CSMD1: variants seen among roughly 807,000 people sequenced by gnomAD.
CSMD1 encodes CUB and sushi domain-containing protein 1.
A neutral mutation model predicts 417.5 loss-of-function variants in CSMD1; 213 were observed. The ratio of observed to expected loss-of-function variants is 0.51; its 90% confidence interval spans 0.46 to 0.57. The LOEUF (loss-of-function observed/expected upper bound fraction) is 0.57, where lower values mean the gene tolerates loss of function less well. Among genes scored for constraint, CSMD1 ranks in the 20% least tolerant of loss-of-function variants. CSMD1 has a pLI of 0.00. For synonymous variants in CSMD1, 2,862 were observed against 1,736.8 expected (o/e 1.65, Z -16.11); for missense variants, 6,923 against 4,529.7 (o/e 1.53, Z -15.17).
At chr8:4,754,995 G>C (rs980325896) in intron 1 of CSMD1, among the ~76,000 whole-genome samples, 1 of 151,682 alleles carries the variant, frequency 6.6e-6, no homozygotes, top group Non-Finnish European at 1.5e-5. Flanking sequence ...AAAATCAGCC[G>C]GGCATGGTGG....
intron 5 of CSMD1, among the ~76,000 whole-genome samples, chr8:3,764,059 G>T (rs577740452): frequency 6.6e-6 from 1 of 152,124 alleles, no homozygotes; most frequent in Non-Finnish European, 1.5e-5. Flanking sequence ...ATTTCTGGAG[G>T]CCACAGGCTC....
intron 5 of CSMD1, among the ~76,000 whole-genome samples, chr8:3,859,018 T>G (rs1804508263): frequency 6.6e-6 from 1 of 152,190 alleles, no homozygotes; most frequent in African/African-American, 2.4e-5. Context: ...CTATGAAGTG[T>G]TCCCTAAAAG....
In CSMD1 at chr8:4,764,895, C is replaced by CAAAACAA; in HGVS notation, c.86-127338_86-127337insTTGTTTT. ...CTCAAAAAAAAAAAAAAAAAAAAAA[C>CAAAACAA]AACAACAACAAAAAAAAACCTTTGC... On this transcript the variant is annotated intron_variant, in intron 1 of 69. Coordinates refer to ENST00000635120, the MANE Select transcript of CSMD1 (RefSeq NM_033225.6). Among the ~76,000 whole-genome samples the CAAAACAA allele has an allele frequency of 9.8e-5, 3 of 30,572 alleles. 1 individual carries two copies. In the Middle Eastern group the frequency reaches 0.065, roughly 665 times the overall value. 20.1% of individuals were successfully genotyped at this position (30,572 alleles called of 152,430 possible).
At chr8:4,842,872 T>A (rs1026026825) in intron 1 of CSMD1, among the ~76,000 whole-genome samples, 3 of 152,174 alleles carry the variant, frequency 2.0e-5, no homozygotes, top group African/African-American at 7.2e-5. Flanking sequence ...TAAAGGCTTA[T>A]CAATAGAACA....
chr8:4,104,217 G>A (rs753770786), intron 3 of CSMD1, among the ~76,000 whole-genome samples: 6 of 152,332 alleles, frequency 3.9e-5, no homozygotes, highest in African/African-American at 7.2e-5. Flanking sequence ...GTGAATGTAC[G>A]TGAGTGCGGA....
intron 5 of CSMD1, among the ~76,000 whole-genome samples, chr8:3,982,016 A>T (rs1813908926): frequency 6.6e-6 from 1 of 151,962 alleles, no homozygotes. Context: ...CTAAAAATAC[A>T]AAAAATTAGC....
chr8:4,149,221 C>G (rs1243026120), intron 3 of CSMD1, among the ~76,000 whole-genome samples: 1 of 152,130 alleles, frequency 6.6e-6, no homozygotes, highest in Non-Finnish European at 1.5e-5. Flanking sequence ...ACCTCGGCCT[C>G]CCAAACTGCT....
At chr8:2,980,457 C>T (rs953284509) in intron 54 of CSMD1, among the ~76,000 whole-genome samples, 24 of 151,788 alleles carry the variant, frequency 1.6e-4, no homozygotes, top group African/African-American at 3.4e-4. Flanking sequence ...TCTTCCATCC[C>T]TCTCTTCCTT....
intron 11 of CSMD1, among the ~76,000 whole-genome samples, chr8:3,471,425 A>C (rs142107552): frequency 1.3e-5 from 2 of 152,300 alleles, no homozygotes; most frequent in Non-Finnish European, 2.9e-5. Flanking sequence ...AACAAATTAT[A>C]TTCCATAAGT....
rs560717985 is a variant in CSMD1 at position 4,319,995 on chromosome 8, G to C, written c.415+99958C>G. ...AGAGTGGAAAAATATCATAAAATAG[G>C]AGTATTGGGTTAAGTACTCAAAGTA... On this transcript the variant is annotated intron_variant, in intron 3 of 69. Transcript: ENST00000635120. Among the ~76,000 whole-genome samples the C allele has an allele frequency of 1.4e-4, 21 of 152,200 alleles. No individual in the cohort carries two copies. The South Asian group carries it at 4.4e-3, about 32-fold the overall frequency.
intron 1 of CSMD1, among the ~76,000 whole-genome samples, chr8:4,910,143 T>C (rs1024249315): frequency 6.6e-6 from 1 of 152,216 alleles, no homozygotes; most frequent in East Asian, 1.9e-4. Context: ...AATGTTATAA[T>C]GTTGCAGAAC....
intron 3 of CSMD1, among the ~76,000 whole-genome samples, chr8:4,411,960 G>A (rs1470819849): frequency 6.6e-6 from 1 of 150,786 alleles, no homozygotes; most frequent in East Asian, 2.0e-4. Flanking sequence ...TACGATTTTT[G>A]ATGAAAAGTA....
intron 6 of CSMD1, among the ~76,000 whole-genome samples, chr8:3,751,965 T>G (rs1008397138): frequency 2.0e-5 from 3 of 152,190 alleles, no homozygotes; most frequent in African/African-American, 7.2e-5. Flanking sequence ...CTTATGGTTA[T>G]GTTAAATCTG....
In CSMD1 at chr8:4,551,548, C is replaced by A. The variant is rs538512512; in HGVS notation, c.302+85794G>T. 1.9e-3 allele frequency among the ~76,000 whole-genome samples: 295 copies of A among 152,282 alleles called. 3 individuals carry two copies. The highest frequency in any genetic ancestry group is 6.6e-3 in the African/African-American group (274 of 41,554). On this transcript the variant is annotated intron_variant, in intron 2 of 69. Transcript: ENST00000635120. ...CAACCATCCCTATGGTCTTCCCTGGCTGACTCTCTGCAGGTTCCAGGCACC... is the reference window on the plus strand; with the variant it reads ...CAACCATCCCTATGGTCTTCCCTGGATGACTCTCTGCAGGTTCCAGGCACC...
intron 51 of CSMD1, among the ~76,000 whole-genome samples, chr8:3,022,170 T>C (rs1290589322): frequency 6.9e-6 from 1 of 145,450 alleles, no homozygotes; most frequent in Non-Finnish European, 1.5e-5. Flanking sequence ...GCATCCGGAA[T>C]GCACCGGCAA....
intron 3 of CSMD1, among the ~76,000 whole-genome samples, chr8:4,109,521 C>T (rs1454879404): frequency 1.3e-5 from 2 of 152,070 alleles, no homozygotes; most frequent in African/African-American, 4.8e-5. Flanking sequence ...GACTTATTGT[C>T]AGTAGTCACT....
At chr8:3,284,042 C>T (rs1269160296) in intron 26 of CSMD1, 102 bp downstream of exon 26, 4 of 956,092 alleles carry the variant, frequency 4.2e-6, no homozygotes, top group Non-Finnish European at 6.4e-6. Context: ...CAATAAATTG[C>T]ATCTGTGTAA....
intron 6 of CSMD1, among the ~76,000 whole-genome samples, chr8:3,740,786 G>C (rs184985219): frequency 1.3e-5 from 2 of 152,298 alleles, no homozygotes; most frequent in East Asian, 1.9e-4. Flanking sequence ...AAGAATCACT[G>C]TGTTTACCTT....
At chr8:4,633,305 GGT>G (rs1802637605) in intron 2 of CSMD1, among the ~76,000 whole-genome samples, 4 of 151,976 alleles carry the variant, frequency 2.6e-5, no homozygotes, top group East Asian at 1.9e-4. Context: ...GGAGTGCAGT[GGT>G]GCGATCTCGG....
Sources: gnomAD v4.1 joint callset for allele counts (sites outside exome capture counted in the v4.1 genomes callset) on GRCh38, gnomAD v4.1.1 for gene constraint, MANE v1.5 for transcripts, NCBI Gene and HGNC (gene_info 2026-07-23, HGNC 2026-07-21) for gene names.